The following FSTL5 variants were observed in gnomAD, a reference collection of about 807,000 sequenced individuals.
The protein encoded by FSTL5 is follistatin-related protein 5.
FSTL5 carries 62 observed loss-of-function variants against 89.1 expected under a neutral mutation model. That is an observed-to-expected ratio of 0.70 (90% CI 0.57 to 0.86). The LOEUF is 0.86. FSTL5 is among the 40% of genes least tolerant of loss of function. The pLI is 0.00. For synonymous variants in FSTL5, 383 were observed against 346.2 expected (o/e 1.11, Z -1.18); for missense variants, 1,057 against 1,001.6 (o/e 1.06, Z -0.75).
chr4:161,604,030 G>T (rs1414925662), intron 7 of FSTL5, among the ~76,000 whole-genome samples: 7 of 152,038 alleles, frequency 4.6e-5, no homozygotes, highest in Non-Finnish European at 1.0e-4. Context: ...ATAAGATTCT[G>T]ATGTCATTAT....
chr4:162,140,227 G>A (rs1010131682), intron 1 of FSTL5, among the ~76,000 whole-genome samples: 14 of 152,088 alleles, frequency 9.2e-5, no homozygotes, highest in Admixed American at 3.3e-4. Context: ...ACCATGTCTA[G>A]TAAGGTTGAA....
chr4:161,658,557 A>G (rs1736599489), intron 6 of FSTL5, among the ~76,000 whole-genome samples: 1 of 150,374 alleles, frequency 6.7e-6, no homozygotes, highest in South Asian at 2.3e-4. Context: ...ACATATGTGT[A>G]CACATATAAA....
intron 1 of FSTL5, among the ~76,000 whole-genome samples, chr4:162,147,402 A>G (rs1470229131): frequency 6.6e-6 from 1 of 152,214 alleles, no homozygotes; most frequent in Non-Finnish European, 1.5e-5. Flanking sequence ...TTTCACAAGA[A>G]GCTGTCTTCA....
chr4:161,840,430 T>C (rs1407844096), intron 4 of FSTL5, among the ~76,000 whole-genome samples: 1 of 152,214 alleles, frequency 6.6e-6, no homozygotes, highest in Non-Finnish European at 1.5e-5. Flanking sequence ...TAGAGGGTTA[T>C]ATTATAATGC....
At chr4:162,014,630 T>A (rs952013632) in intron 3 of FSTL5, among the ~76,000 whole-genome samples, 1 of 152,204 alleles carries the variant, frequency 6.6e-6, no homozygotes, top group African/African-American at 2.4e-5. Flanking sequence ...ACTGAGTCCA[T>A]GCTGTGGTTC....
chr4:161,425,335 A>G (rs1428114208), intron 15 of FSTL5, among the ~76,000 whole-genome samples: 1 of 152,184 alleles, frequency 6.6e-6, no homozygotes, highest in Non-Finnish European at 1.5e-5. Context: ...TTCCATATTT[A>G]GATATTAGCC....
rs375597163 is a variant in FSTL5 at position 161,724,138 on chromosome 4, A to G, written c.727+35273T>C. ...CACAAATAGATTTGATAATGCAAAA[A>G]TCAAATAAATAATGTTGAGGAAAAA... On this transcript the variant is annotated intron_variant, in intron 6 of 15. Transcript: ENST00000306100. Among the ~76,000 whole-genome samples, 6 of 152,142 alleles carry G rather than the reference A, an allele frequency of 3.9e-5. No homozygotes were observed. In the East Asian group the frequency reaches 1.2e-3, roughly 29 times the overall value.
intron 6 of FSTL5, among the ~76,000 whole-genome samples, chr4:161,709,560 G>A (rs1372362076): frequency 1.3e-5 from 2 of 152,064 alleles, no homozygotes; most frequent in Non-Finnish European, 2.9e-5. Flanking sequence ...CAGCATTTTG[G>A]GAGGCCGAGG....
At chr4:162,064,049 T>G (rs2111289412) in intron 2 of FSTL5, among the ~76,000 whole-genome samples, 1 of 152,140 alleles carries the variant, frequency 6.6e-6, no homozygotes. Context: ...ATTTTTTTTC[T>G]ATCTTCTCTC....
chr4:162,014,893 A>G (rs1226447122), intron 3 of FSTL5, among the ~76,000 whole-genome samples: 1 of 152,176 alleles, frequency 6.6e-6, no homozygotes, highest in Admixed American at 6.5e-5. Context: ...CAAGAAAATA[A>G]GATAAGTTCT....
At chr4:162,008,365 C>G (rs1026905081) in intron 3 of FSTL5, among the ~76,000 whole-genome samples, 2 of 151,856 alleles carry the variant, frequency 1.3e-5, no homozygotes, top group Non-Finnish European at 3.0e-5. Flanking sequence ...TTAAGATCTA[C>G]TACTATACTT....
chr4:161,704,104 CAA>C (rs1272334117), intron 6 of FSTL5, among the ~76,000 whole-genome samples: 1 of 152,130 alleles, frequency 6.6e-6, no homozygotes, highest in African/African-American at 2.4e-5. Flanking sequence ...CCATTCTATT[CAA>C]AGTCACCCCT....
At chr4:161,480,006 T>C (rs1278639731) in intron 13 of FSTL5, among the ~76,000 whole-genome samples, 2 of 152,166 alleles carry the variant, frequency 1.3e-5, no homozygotes. Context: ...TAATCACTTT[T>C]AGAATGTGTA....
Position 161,900,636 on chromosome 4 carries a change from C to T in FSTL5, c.409+19768G>A, listed in dbSNP as rs1377623893. On this transcript the variant is annotated intron_variant, in intron 4 of 15. Transcript: ENST00000306100. ...CCTGGGTGACAGAGCGAGACTCCAT[C>T]TCAAAAAAAAAAAAAAAAAAAAGAA... is the stretch of plus-strand genomic sequence containing the variant. Among the ~76,000 whole-genome samples the T allele has an allele frequency of 3.9e-4, 12 of 30,418 alleles. No individual in the cohort carries two copies. In the South Asian group the frequency reaches 0.019, roughly 48 times the overall value. The allele number at this position is 30,418 out of a possible 152,430, so 20.0% of individuals were successfully genotyped here.
At chr4:161,594,764 T>C (rs1733952650) in intron 7 of FSTL5, among the ~76,000 whole-genome samples, 1 of 151,946 alleles carries the variant, frequency 6.6e-6, no homozygotes, top group South Asian at 2.1e-4. Context: ...GAATAAAGCA[T>C]AGACCTTTTC....
At chr4:161,413,275 AAAAAAAAAT>A (rs70937646) in intron 15 of FSTL5, among the ~76,000 whole-genome samples, 5,414 of 20,594 alleles carry the variant, frequency 0.26, 621 homozygotes, top group Non-Finnish European at 0.31. Flanking sequence ...AAAAAAAAAA[AAAAAAAAAT>A]AAAGACACAC....
chr4:161,942,122 G>A (rs1017010549), intron 3 of FSTL5, among the ~76,000 whole-genome samples: 1 of 151,868 alleles, frequency 6.6e-6, no homozygotes, highest in African/African-American at 2.4e-5. Context: ...TGAATTTTAT[G>A]AGATGAAGAG....
Position 161,816,558 on chromosome 4 carries a change from G to A in FSTL5, c.410-40484C>T, listed in dbSNP as rs962204248. 3.7e-4 allele frequency among the ~76,000 whole-genome samples: 56 copies of A among 152,138 alleles called. 1 individual carries two copies. The highest frequency in any genetic ancestry group is 1.3e-3 in the African/African-American group (52 of 41,510). ...GTACAACCTAAAATTGGTATCATTC[G>A]CCTTACTTGGTTCCACTTTACAAAG... On this transcript the variant is annotated intron_variant, in intron 4 of 15. Coordinates refer to ENST00000306100, the MANE Select transcript of FSTL5 (RefSeq NM_020116.5).
intron 7 of FSTL5, among the ~76,000 whole-genome samples, chr4:161,596,247 T>A (rs887970072): frequency 2.0e-5 from 3 of 151,818 alleles, no homozygotes; most frequent in African/African-American, 7.2e-5. Context: ...ATATGTTTAA[T>A]TTGGTAAATA....
Sources: allele counts gnomAD v4.1 joint callset (sites outside exome capture counted in the v4.1 genomes callset), GRCh38; gene constraint gnomAD v4.1.1; transcripts MANE v1.5; gene names NCBI Gene and HGNC (gene_info 2026-07-23, HGNC 2026-07-21).